The following BCAT1 variants were observed in gnomAD, a reference collection of about 807,000 sequenced individuals.
The protein encoded by BCAT1 is branched-chain-amino-acid aminotransferase, cytosolic.
A neutral mutation model predicts 52.4 loss-of-function variants in BCAT1; 48 were observed. The observed-to-expected ratio is 0.92, with a 90% CI of 0.73 to 1.16. The LOEUF (loss-of-function observed/expected upper bound fraction) is 1.16, where lower values mean the gene tolerates loss of function less well. BCAT1 is among the 50% of genes most tolerant of loss of function. The pLI is 0.00. For synonymous variants in BCAT1, 167 were observed against 161.3 expected, an observed-to-expected ratio of 1.04 and a Z score of -0.27; for missense variants, 451 against 457.1, an observed-to-expected ratio of 0.99 and a Z score of 0.12.
intron 9 of BCAT1, among the ~76,000 whole-genome samples, chr12:24,831,613 C>A (rs1191231302): frequency 6.6e-6 from 1 of 152,174 alleles, no homozygotes; most frequent in South Asian, 2.1e-4. Context: ...TGTGCCCCTG[C>A]ACTCCAGTAC....
chr12:24,850,728 C>A (rs2139468814), intron 5 of BCAT1, among the ~76,000 whole-genome samples: 1 of 152,324 alleles, frequency 6.6e-6, no homozygotes, highest in Admixed American at 6.5e-5. Flanking sequence ...GTTTCTGAAT[C>A]TCTTTTCTGT....
intron 1 of BCAT1, among the ~76,000 whole-genome samples, chr12:24,942,489 A>G (rs1267444320): frequency 1.3e-5 from 2 of 151,662 alleles, no homozygotes; most frequent in Non-Finnish European, 2.9e-5. Context: ...GGTTGCAGTG[A>G]GCCAAAATCA....
intron 1 of BCAT1, among the ~76,000 whole-genome samples, chr12:24,947,109 C>T (rs1407457682): frequency 2.0e-5 from 3 of 151,274 alleles, no homozygotes; most frequent in Non-Finnish European, 4.4e-5. Flanking sequence ...GCCTGAGGGG[C>T]CACATCCTGT....
chr12:24,849,851 G>A lies in BCAT1; in HGVS notation c.609C>T (p.Ser203=). 6.2e-7 allele frequency: 1 copy of A among 1,613,660 alleles called. No individual in the cohort carries two copies. Among genetic ancestry groups the A allele is most frequent in the Non-Finnish European group, 8.5e-7 (1 of 1,179,724 alleles). ...YFSSGTFNPV[S]LWANPKYVRA... The stretch of plus-strand genomic sequence containing the variant: ...TTACATACTTGGGATTGGCCCACAG[G>A]GACACTGGATTAAAGGTTCCACTTG... The change falls in exon 6 of 11, where the codon TCC becomes TCT. Residue 203 remains serine (S), a synonymous_variant. Coordinates refer to ENST00000261192, the MANE Select transcript of BCAT1 (RefSeq NM_005504.7).
intron 1 of BCAT1, among the ~76,000 whole-genome samples, chr12:24,946,700 C>T (rs1168210470): frequency 1.3e-5 from 2 of 152,186 alleles, no homozygotes; most frequent in Admixed American, 1.3e-4. Context: ...CTTCACAAAG[C>T]TCAGATCGCT....
chr12:24,910,146 G>A (rs544195536), intron 1 of BCAT1, among the ~76,000 whole-genome samples: 3 of 152,228 alleles, frequency 2.0e-5, no homozygotes, highest in African/African-American at 7.2e-5. Context: ...GGCCAAAGCA[G>A]GCATATCACC....
In BCAT1 at chr12:24,878,631, G is replaced by T; in HGVS notation, c.409C>A (p.Leu137Ile). 6.2e-7 allele frequency: 1 copy of T among 1,603,448 alleles called. No homozygotes were observed. Residue 137 changes from leucine (L) to isoleucine (I), a missense_variant, in exon 5 of 11, where the codon CTC becomes ATC. Coordinates refer to ENST00000261192, the MANE Select transcript of BCAT1 (RefSeq NM_005504.7). ...ACAAGCTGTTGAATACACTCTAAGAGCTCTTCTTTGTCAAATACCTGAAAG... is the reference window on the plus strand; with the variant it reads ...ACAAGCTGTTGAATACACTCTAAGATCTCTTCTTTGTCAAATACCTGAAAG... ...ATLPVFDKEE[L>I]LECIQQLVKL...
intron 1 of BCAT1, among the ~76,000 whole-genome samples, chr12:24,913,015 C>G (rs1193603049): frequency 1.3e-5 from 2 of 152,106 alleles, no homozygotes; most frequent in South Asian, 4.1e-4. Flanking sequence ...GAAACCCTGT[C>G]TTTACAAAAA....
At chr12:24,948,405 T>G (rs1489972553) in intron 1 of BCAT1, among the ~76,000 whole-genome samples, 1 of 152,210 alleles carries the variant, frequency 6.6e-6, no homozygotes, top group East Asian at 1.9e-4. Context: ...AAGCTTTAAT[T>G]TCCACAAGAA....
At chr12:24,839,087 C>T (rs546860732) in intron 7 of BCAT1, among the ~76,000 whole-genome samples, 2 of 152,266 alleles carry the variant, frequency 1.3e-5, no homozygotes, top group South Asian at 4.2e-4. Context: ...TGCTTACTTT[C>T]TAATAGACAC....
intron 10 of BCAT1, among the ~76,000 whole-genome samples, chr12:24,825,143 A>G (rs565648727): frequency 0.065 from 9,800 of 150,106 alleles, 393 homozygotes; most frequent in East Asian, 0.16. Flanking sequence ...GTGTATATAT[A>G]TATATATATA....
At chr12:24,867,302 G>A (rs1327949989) in intron 5 of BCAT1, among the ~76,000 whole-genome samples, 2 of 151,410 alleles carry the variant, frequency 1.3e-5, no homozygotes, top group Non-Finnish European at 2.9e-5. Context: ...CACCAATTCC[G>A]GATACGCTAC....
At chr12:24,902,848 G>A in intron 1 of BCAT1, 3 of 1,463,576 alleles carry the variant, frequency 2.0e-6, no homozygotes, top group South Asian at 2.5e-5. Context: ...AAGGAGGATG[G>A]TGCAGGAAAC....
intron 10 of BCAT1, among the ~76,000 whole-genome samples, chr12:24,819,125 GCTCT>G (rs151084163): frequency 6.6e-6 from 1 of 151,882 alleles, no homozygotes; most frequent in Admixed American, 6.6e-5. Flanking sequence ...CCCTAACCAA[GCTCT>G]CTCTCACAGC....
intron 4 of BCAT1, among the ~76,000 whole-genome samples, chr12:24,879,834 T>C (rs912789059): frequency 6.6e-6 from 1 of 152,204 alleles, no homozygotes; most frequent in South Asian, 2.1e-4. Flanking sequence ...ATAATCTTCT[T>C]AGCAACGCCT....
At chr12:24,876,064 A>G (rs1942326580) in intron 5 of BCAT1, among the ~76,000 whole-genome samples, 1 of 152,126 alleles carries the variant, frequency 6.6e-6, no homozygotes, top group South Asian at 2.1e-4. Context: ...ATAATAAAGT[A>G]TTGGTTATCT....
intron 1 of BCAT1, among the ~76,000 whole-genome samples, chr12:24,909,882 G>T (rs571666028): frequency 3.6e-4 from 55 of 152,222 alleles, no homozygotes; most frequent in African/African-American, 1.2e-3. Context: ...GAGGAGCCAC[G>T]TGCAGGCTCA....
chr12:24,849,944 A>G lies in BCAT1; in HGVS notation c.516T>C (p.Ser172=). Residue 172 remains serine, a synonymous_variant, in exon 6 of 11, where the codon TCT becomes TCC. Transcript: ENST00000261192. The part of the protein sequence containing the change: ...IRPTFIGTEP[S]LGVKKPTKAL... ...CTTTGGTAGGCTTCTTGACTCCAAGAGAAGGCTGCAACAAAGTAGAAGTAC... is the reference window on the plus strand; with the variant it reads ...CTTTGGTAGGCTTCTTGACTCCAAGGGAAGGCTGCAACAAAGTAGAAGTAC... The G allele has an allele frequency of 6.2e-7, 1 of 1,606,772 alleles. No individual in the cohort carries two copies. Among genetic ancestry groups the G allele is most frequent in the Non-Finnish European group, 8.5e-7 (1 of 1,175,114 alleles).
chr12:24,886,854 C>T (rs1490692304), intron 3 of BCAT1, among the ~76,000 whole-genome samples: 6 of 131,788 alleles, frequency 4.6e-5, no homozygotes, highest in African/African-American at 1.1e-4. Flanking sequence ...AAAAAGAGGC[C>T]GGGCATAGTG....
Sources: gnomAD v4.1 joint callset for allele counts (sites outside exome capture counted in the v4.1 genomes callset) on GRCh38, gnomAD v4.1.1 for gene constraint, MANE v1.5 for transcripts, NCBI Gene and HGNC (gene_info 2026-07-23, HGNC 2026-07-21) for gene names.